The following SLC9B1 variants were observed in gnomAD, a reference collection of about 807,000 sequenced individuals.
SLC9B1 encodes solute carrier family 9 member B1.
SLC9B1 carries 32 observed loss-of-function variants against 51.7 expected under a neutral mutation model. The observed-to-expected ratio is 0.62, with a 90% CI of 0.47 to 0.83. The LOEUF is 0.83. SLC9B1 is among the 40% of genes least tolerant of loss of function. The pLI is 0.00. For missense variants in SLC9B1, 406 were observed against 613.2 expected (o/e 0.66, Z 3.57); for synonymous variants, 145 against 212.7 (o/e 0.68, Z 2.77).
At chr4:102,918,070 AAAAAAAAAAAAAAAAAAAGGCTAGAG>A (rs908024905) in intron 7 of SLC9B1, among the ~76,000 whole-genome samples, 1 of 112,032 alleles carries the variant, frequency 8.9e-6, no homozygotes, top group African/African-American at 5.3e-5. Context: ...CTCCATCTCA[AAAAAAAAAAAAAAAAAAAGGCTAGAG>A]AAAAAAAAAA....
At chr4:103,015,156 T>A (rs1741253336) in intron 1 of SLC9B1, among the ~76,000 whole-genome samples, 1 of 152,012 alleles carries the variant, frequency 6.6e-6, no homozygotes. Flanking sequence ...TAAACACATA[T>A]TGATGGAAAT....
chr4:102,997,109 C>G (rs928137044), intron 1 of SLC9B1, among the ~76,000 whole-genome samples: 1 of 152,162 alleles, frequency 6.6e-6, no homozygotes, highest in Non-Finnish European at 1.5e-5. Context: ...ATATTGACAT[C>G]TGGTGTTGGT....
intron 1 of SLC9B1, among the ~76,000 whole-genome samples, chr4:103,011,567 C>T (rs941618293): frequency 6.6e-6 from 1 of 152,204 alleles, no homozygotes; most frequent in African/African-American, 2.4e-5. Flanking sequence ...AGTGGTGACT[C>T]TCTGTGCTGA....
At chr4:102,934,763 C>A (rs867048976) in intron 6 of SLC9B1, among the ~76,000 whole-genome samples, 5,222 of 113,590 alleles carry the variant, frequency 0.046, no homozygotes, top group Middle Eastern at 0.053. Flanking sequence ...GACTCTGTCA[C>A]AAAAAAAAAA....
At chr4:103,002,464 C>T (rs1740576116) in intron 1 of SLC9B1, among the ~76,000 whole-genome samples, 1 of 151,972 alleles carries the variant, frequency 6.6e-6, no homozygotes, top group South Asian at 2.1e-4. Flanking sequence ...TAACTTAAAT[C>T]TATAAAAGAT....
intron 11 of SLC9B1, chr4:102,885,371 A>G (rs764899307): frequency 1.8e-5 from 29 of 1,614,006 alleles, no homozygotes; most frequent in Non-Finnish European, 1.7e-6. Flanking sequence ...GAATGAAATA[A>G]ACATTGAAGA....
chr4:102,901,436 T>C, intron 11 of SLC9B1, 104 bp from the exon 12 acceptor site: 1 of 1,326,542 alleles, frequency 7.5e-7, no homozygotes, highest in Non-Finnish European at 1.0e-6. Flanking sequence ...TACTAGACTA[T>C]TAGAAAAAAA....
At chr4:103,008,884 C>T (rs1297596077) in intron 1 of SLC9B1, among the ~76,000 whole-genome samples, 1 of 150,074 alleles carries the variant, frequency 6.7e-6, no homozygotes, top group Non-Finnish European at 1.5e-5. Context: ...ACGGCAACCT[C>T]CGCCTCCCGG....
At chr4:102,895,091 A>G (rs1232455329) in intron 11 of SLC9B1, among the ~76,000 whole-genome samples, 1 of 152,214 alleles carries the variant, frequency 6.6e-6, no homozygotes, top group Non-Finnish European at 1.5e-5. Flanking sequence ...AAAAAAGACT[A>G]TTGAGAGGAA....
chr4:102,885,172 C>T (rs749424337), exon 12 of SLC9B1: 9 of 1,481,490 alleles, frequency 6.1e-6, no homozygotes, highest in Non-Finnish European at 8.5e-6. Flanking sequence ...ATTTTGAATT[C>T]TTTTCCAAGA....
chr4:102,942,813 A>G (rs1426863700), intron 6 of SLC9B1, among the ~76,000 whole-genome samples: 1 of 152,168 alleles, frequency 6.6e-6, no homozygotes, highest in Non-Finnish European at 1.5e-5. Flanking sequence ...CAACAAAAAC[A>G]AAGATAAATA....
intron 7 of SLC9B1, among the ~76,000 whole-genome samples, chr4:102,920,903 G>C (rs1469178378): frequency 6.6e-6 from 1 of 152,190 alleles, no homozygotes; most frequent in Non-Finnish European, 1.5e-5. Flanking sequence ...AAGAAATATG[G>C]GACTATGTGA....
rs201676461 is a variant in SLC9B1, at chr4:102,984,644, G to A, written c.211+5156C>T. 5.9e-5 allele frequency among the ~76,000 whole-genome samples: 9 copies of A among 152,156 alleles called. No homozygotes were observed. In the East Asian group the frequency reaches 7.7e-4, roughly 13 times the overall value. On this transcript the variant is annotated intron_variant, in intron 3 of 11. Transcript: ENST00000296422. ...TCTTGGTGAATGTTCCATATTAGCC[G>A]GAGCAGAATTTGTATTTTGCTCTTT...
intron 5 of SLC9B1, among the ~76,000 whole-genome samples, chr4:102,946,241 A>G (rs1271848047): frequency 6.6e-6 from 1 of 152,200 alleles, no homozygotes; most frequent in Non-Finnish European, 1.5e-5. Context: ...AATGATGGCT[A>G]GACATAGAAA....
chr4:102,973,269 C>T (rs1320454095), intron 3 of SLC9B1, among the ~76,000 whole-genome samples: 4 of 152,020 alleles, frequency 2.6e-5, no homozygotes, highest in Admixed American at 2.6e-4. Context: ...ATAAATAAAA[C>T]AAATATTAAC....
chr4:103,004,512 A>C (rs1740685229), intron 1 of SLC9B1, among the ~76,000 whole-genome samples: 1 of 152,246 alleles, frequency 6.6e-6, no homozygotes, highest in African/African-American at 2.4e-5. Context: ...AACATATTTG[A>C]GGATATCATC....
At chr4:103,017,299 G>C (rs2110549556) in intron 1 of SLC9B1, among the ~76,000 whole-genome samples, 1 of 152,244 alleles carries the variant, frequency 6.6e-6, no homozygotes, top group African/African-American at 2.4e-5. Context: ...TCCCCACCCA[G>C]TATGATTCAG....
chr4:102,942,625 T>A (rs948389373), intron 6 of SLC9B1, among the ~76,000 whole-genome samples: 2 of 152,196 alleles, frequency 1.3e-5, no homozygotes, highest in African/African-American at 4.8e-5. Context: ...GCAAGCCATA[T>A]GTAGAAGAAT....
intron 11 of SLC9B1, among the ~76,000 whole-genome samples, chr4:102,893,425 A>C (rs1222540570): frequency 6.6e-6 from 1 of 152,254 alleles, no homozygotes; most frequent in Non-Finnish European, 1.5e-5. Context: ...AAACTAATCC[A>C]AGAAGAAATT....
Sources: gnomAD v4.1 joint callset for allele counts (sites outside exome capture counted in the v4.1 genomes callset) on GRCh38, gnomAD v4.1.1 for gene constraint, MANE v1.5 for transcripts, NCBI Gene and HGNC (gene_info 2026-07-23, HGNC 2026-07-21) for gene names.